Variants in WDR49 observed in about 807,000 individuals in gnomAD.
WDR49 encodes the protein cilia- and flagella-associated protein 337.
Under a neutral mutation model 119.5 loss-of-function variants are expected in WDR49, and 107 were observed. That is an observed-to-expected ratio of 0.90 (90% CI 0.77 to 1.05). WDR49 has a LOEUF of 1.05. Among genes scored for constraint, WDR49 ranks in the 50% least tolerant of loss-of-function variants. The pLI, the probability that WDR49 is intolerant of heterozygous loss-of-function variation, is 0.00. For missense variants in WDR49, 1,240 were observed against 1,220.5 expected (o/e 1.02, Z -0.24); for synonymous variants, 425 against 418.8 (o/e 1.01, Z -0.18).
intron 12 of WDR49, among the ~76,000 whole-genome samples, chr3:167,531,568 C>A (rs1190690425): frequency 1.3e-5 from 2 of 152,046 alleles, no homozygotes; most frequent in Non-Finnish European, 2.9e-5. Flanking sequence ...TCTTAGGGAT[C>A]CTAATATGCC....
chr3:167,509,331 A>T (rs79331707), intron 16 of WDR49, among the ~76,000 whole-genome samples: 1,574 of 152,308 alleles, frequency 0.01, 23 homozygotes, highest in African/African-American at 0.036. Context: ...GGTATCTGTG[A>T]GATGTGAGTG....
chr3:167,601,701 G>A (rs181310189), intron 7 of WDR49, among the ~76,000 whole-genome samples: 21 of 152,196 alleles, frequency 1.4e-4, no homozygotes, highest in Admixed American at 9.2e-4. Flanking sequence ...TGTGCTTGAT[G>A]TTCTTCAGAT....
intron 2 of WDR49, among the ~76,000 whole-genome samples, chr3:167,632,075 A>C (rs1030233886): frequency 6.6e-6 from 1 of 152,060 alleles, no homozygotes; most frequent in South Asian, 2.1e-4. Context: ...TCAAAACTGC[A>C]AACTATTTCT....
chr3:167,582,010 G>T (rs185883917), intron 7 of WDR49, among the ~76,000 whole-genome samples: 1 of 151,176 alleles, frequency 6.6e-6, no homozygotes, highest in Admixed American at 6.6e-5. Context: ...TAAGAAAAAA[G>T]GGAGAGTGTG....
chr3:167,486,761 G>A (rs904046494), intron 18 of WDR49, among the ~76,000 whole-genome samples: 10 of 151,912 alleles, frequency 6.6e-5, no homozygotes, highest in Admixed American at 2.0e-4. Context: ...AAAAAATTTA[G>A]ACAACCACAC....
At position 167,532,923 on chromosome 3, in the gene WDR49, T is replaced by C. The variant is rs1388814962; in HGVS notation, c.2009A>G (p.His670Arg). 2.5e-6 allele frequency: 4 copies of C among 1,609,998 alleles called. No homozygotes were observed. Among genetic ancestry groups the C allele is most frequent in the African/African-American group, 1.3e-5 (1 of 74,832 alleles). ...LWNNSTENAH[H>R]VLHPDYQRLL... ...CCTCTGGTAATCAGGGTGAAGAACA[T>C]GGTGAGCATTCTCTGTGCTATTGTT... The change falls in exon 12 of 19, where the codon CAT becomes CGT. Residue 670 changes from histidine to arginine, a missense_variant. Transcript: ENST00000682715.
intron 5 of WDR49, among the ~76,000 whole-genome samples, chr3:167,608,716 T>G (rs1485532597): frequency 6.6e-6 from 1 of 152,186 alleles, no homozygotes; most frequent in African/African-American, 2.4e-5. Context: ...GATGGAAAAG[T>G]TTTAAAACTA....
chr3:167,641,982 C>T (rs1414600537), intron 2 of WDR49, among the ~76,000 whole-genome samples: 1 of 151,232 alleles, frequency 6.6e-6, no homozygotes, highest in African/African-American at 2.4e-5. Context: ...AACAAAACCA[C>T]AGAATAAAAT....
intron 8 of WDR49, among the ~76,000 whole-genome samples, chr3:167,574,732 T>C (rs1714142818): frequency 6.6e-6 from 1 of 151,950 alleles, no homozygotes; most frequent in South Asian, 2.1e-4. Context: ...CCAGGCAACA[T>C]AGGATTTTAA....
At chr3:167,657,559 A>G (rs973332306), upstream of WDR49, among the ~76,000 whole-genome samples, 12 of 135,830 alleles carry the variant, frequency 8.8e-5, no homozygotes, top group Non-Finnish European at 1.2e-4. Flanking sequence ...TATCCCCACC[A>G]ACATATAGAT....
intron 8 of WDR49, among the ~76,000 whole-genome samples, chr3:167,575,567 G>A (rs183415289): frequency 1.1e-3 from 165 of 152,324 alleles, no homozygotes; most frequent in Non-Finnish European, 1.9e-3. Context: ...CAGGGATACC[G>A]GAAGATGGTG....
At chr3:167,480,027 T>C (rs1420855006) in intron 18 of WDR49, among the ~76,000 whole-genome samples, 1 of 151,766 alleles carries the variant, frequency 6.6e-6, no homozygotes, top group Non-Finnish European at 1.5e-5. Flanking sequence ...GGTCAGGAGT[T>C]CGAGACTAGC....
At chr3:167,619,240 G>A (rs78879932) in intron 5 of WDR49, among the ~76,000 whole-genome samples, 2 of 152,058 alleles carry the variant, frequency 1.3e-5, no homozygotes, top group South Asian at 2.1e-4. Flanking sequence ...AAATGAATAT[G>A]AATACAAATA....
intron 10 of WDR49, among the ~76,000 whole-genome samples, chr3:167,554,422 G>A (rs181114385): frequency 1.3e-5 from 2 of 152,216 alleles, no homozygotes; most frequent in Non-Finnish European, 2.9e-5. Context: ...CATCTGAAAT[G>A]GTTAAAGAAA....
In WDR49 at chr3:167,642,428, A is replaced by G. The variant is rs78325691; in HGVS notation, c.165+10833T>C. 8.3e-3 allele frequency among the ~76,000 whole-genome samples: 1,265 copies of G among 152,130 alleles called. 92 individuals are homozygous for G. In the East Asian group the frequency reaches 0.17, roughly 21 times the overall value. On this transcript the variant is annotated intron_variant, in intron 2 of 18. Coordinates refer to ENST00000682715, the MANE Select transcript of WDR49 (RefSeq NM_001366157.1). ...TAAATATATTAGTGCTGCTAGAACA[A>G]AGGTTCAAAATGTGAGAGCATGGAA... is the stretch of plus-strand genomic sequence containing the variant.
intron 10 of WDR49, among the ~76,000 whole-genome samples, chr3:167,549,321 T>C (rs959686940): frequency 7.2e-5 from 11 of 152,104 alleles, no homozygotes; most frequent in South Asian, 2.1e-4. Flanking sequence ...AGTGTAAAAG[T>C]GTTCCTATTT....
chr3:167,572,114 A>C (rs1167689429), intron 8 of WDR49, among the ~76,000 whole-genome samples: 1 of 152,224 alleles, frequency 6.6e-6, no homozygotes, highest in East Asian at 1.9e-4. Context: ...AAGATGGTTC[A>C]TTAGATCTGC....
At position 167,653,249 on chromosome 3, in the gene WDR49, C is replaced by T; in HGVS notation, c.165+12G>A. On this transcript the variant is annotated intron_variant, in intron 2 of 18. Transcript: ENST00000682715. ...CAACTCAAACTATCTGGTCAATAAGCTTCACACTTACCTCAAAGGCCTTCT... is the reference window on the plus strand; with the variant it reads ...CAACTCAAACTATCTGGTCAATAAGTTTCACACTTACCTCAAAGGCCTTCT... The T allele has an allele frequency of 2.6e-6, 4 of 1,536,050 alleles. No homozygotes were observed. Among genetic ancestry groups the T allele is most frequent in the Non-Finnish European group, 3.5e-6 (4 of 1,146,806 alleles).
chr3:167,539,969 CTA>C (rs766189785), intron 10 of WDR49, among the ~76,000 whole-genome samples: 5 of 152,086 alleles, frequency 3.3e-5, no homozygotes, highest in African/African-American at 4.8e-5. Flanking sequence ...GTGAATTATT[CTA>C]TGTTTTAAAT....
Sources: allele counts gnomAD v4.1 joint callset (sites outside exome capture counted in the v4.1 genomes callset), GRCh38; gene constraint gnomAD v4.1.1; transcripts MANE v1.5; gene names NCBI Gene and HGNC (gene_info 2026-07-23, HGNC 2026-07-21).